Variants in TBCK observed in about 807,000 individuals in gnomAD.
TBCK encodes TBC1 domain containing kinase.
In TBCK, 99 loss-of-function variants were observed where a neutral mutation model predicts 113.4. That is an observed-to-expected ratio of 0.87 (90% CI 0.74 to 1.03). The LOEUF is 1.03. Among genes scored for constraint, TBCK ranks in the 50% least tolerant of loss-of-function variants. The pLI, the probability that TBCK is intolerant of heterozygous loss-of-function variation, is 0.00. For synonymous variants in TBCK, 369 were observed against 370.8 expected (o/e 1.00, Z 0.05); for missense variants, 1,045 against 1,061.3 (o/e 0.98, Z 0.21).
chr4:106,153,936 T>A (rs1748826156), intron 23 of TBCK, among the ~76,000 whole-genome samples: 1 of 152,102 alleles, frequency 6.6e-6, no homozygotes, highest in Admixed American at 6.6e-5. Context: ...TTATTTTTAG[T>A]CAACATGTGT....
At chr4:106,051,070 C>T (rs1734751868) in intron 25 of TBCK, among the ~76,000 whole-genome samples, 1 of 151,786 alleles carries the variant, frequency 6.6e-6, no homozygotes, top group Non-Finnish European at 1.5e-5. Context: ...TGTGCAGTAG[C>T]AGGAGAATAA....
At chr4:106,212,100 C>T (rs915847646) in intron 20 of TBCK, among the ~76,000 whole-genome samples, 1 of 152,016 alleles carries the variant, frequency 6.6e-6, no homozygotes, top group African/African-American at 2.4e-5. Context: ...CACTTGCATC[C>T]CCATCACCAA....
chr4:106,238,530 C>G (rs1759725725), intron 12 of TBCK: 2 of 152,146 alleles, frequency 1.3e-5, no homozygotes, highest in South Asian at 4.1e-4. Context: ...GGAGAAGACC[C>G]TTCTAAAGCC....
chr4:106,155,650 G>C (rs1222839351), intron 23 of TBCK, among the ~76,000 whole-genome samples: 1 of 151,860 alleles, frequency 6.6e-6, no homozygotes, highest in African/African-American at 2.4e-5. Flanking sequence ...CCTTCTGCTT[G>C]ATACATTCTA....
chr4:106,292,425 C>T (rs1005555646), intron 3 of TBCK, among the ~76,000 whole-genome samples: 1 of 151,872 alleles, frequency 6.6e-6, no homozygotes, highest in Non-Finnish European at 1.5e-5. Flanking sequence ...AAAAAATTAG[C>T]AAGGCATGGT....
At chr4:106,264,979 T>C (rs1428520570) in intron 3 of TBCK, among the ~76,000 whole-genome samples, 1 of 151,938 alleles carries the variant, frequency 6.6e-6, no homozygotes, top group African/African-American at 2.4e-5. Context: ...GTTGCAGACA[T>C]CCTGTCACTC....
intron 19 of TBCK, among the ~76,000 whole-genome samples, chr4:106,220,343 T>G (rs554146591): frequency 1.3e-5 from 2 of 152,344 alleles, no homozygotes; most frequent in East Asian, 3.9e-4. Context: ...GAAGTGCCTT[T>G]TGCCTCCTGC....
rs189289805 is a variant in TBCK, at chr4:106,070,802, T to C, written c.2572-24122A>G. ...CTTTTTTTGGTTGGTAGGCTATTAATTATTGCCTCAATTTCAGAGCCTGTT... is the reference window on the plus strand; with the variant it reads ...CTTTTTTTGGTTGGTAGGCTATTAACTATTGCCTCAATTTCAGAGCCTGTT... On this transcript the variant is annotated intron_variant, in intron 25 of 25. Coordinates refer to ENST00000394708, the MANE Select transcript of TBCK (RefSeq NM_001163435.3). Among the ~76,000 whole-genome samples, 231 of 152,352 alleles carry C rather than the reference T, an allele frequency of 1.5e-3. 4 individuals carry two copies. Among genetic ancestry groups the C allele is most frequent in the Admixed American group, 9.0e-3 (137 of 15,304 alleles).
intron 25 of TBCK, among the ~76,000 whole-genome samples, chr4:106,093,772 C>T (rs1207394119): frequency 1.3e-5 from 2 of 152,022 alleles, no homozygotes; most frequent in Non-Finnish European, 1.5e-5. Context: ...ACAACAAATG[C>T]CTATGACATG....
intron 23 of TBCK, among the ~76,000 whole-genome samples, chr4:106,140,233 T>C (rs1303849603): frequency 1.4e-5 from 2 of 141,058 alleles, no homozygotes; most frequent in African/African-American, 5.0e-5. Flanking sequence ...ATCTTTAAAA[T>C]ACTATAGTGT....
intron 15 of TBCK, among the ~76,000 whole-genome samples, 160 bp from the exon 16 acceptor site, chr4:106,233,810 CTG>C (rs1362684886): frequency 6.6e-6 from 1 of 152,064 alleles, no homozygotes; most frequent in Non-Finnish European, 1.5e-5. Context: ...GAGAAATTCT[CTG>C]TGTCTTTGAC....
Position 106,160,964 on chromosome 4 carries a change from A to G in TBCK, c.2235+10131T>C, listed in dbSNP as rs111554364. ...AGAAAAAAAAAATCTGACCAAAACT[A>G]TATGATTCCAACTCTATGAGGTACT... On this transcript the variant is annotated intron_variant, in intron 23 of 25. Transcript: ENST00000394708. Among the ~76,000 whole-genome samples, 1,121 of 152,178 alleles carry G rather than the reference A, an allele frequency of 7.4e-3. 10 individuals carry two copies. The highest frequency in any genetic ancestry group is 0.024 in the African/African-American group (996 of 41,552).
At chr4:106,243,567 A>G (rs544080277) in intron 11 of TBCK, among the ~76,000 whole-genome samples, 2 of 152,192 alleles carry the variant, frequency 1.3e-5, no homozygotes, top group South Asian at 2.1e-4. Flanking sequence ...TAAGAGAGAA[A>G]AAAATAGAAA....
chr4:106,308,663 T>C (rs1045315226), intron 2 of TBCK, 105 bp downstream of exon 2: 77 of 1,004,976 alleles, frequency 7.7e-5, no homozygotes, highest in Admixed American at 2.3e-4. Context: ...AGGACATGTG[T>C]GCACTGGTAC....
At chr4:106,132,912 A>C (rs1475509057) in intron 23 of TBCK, among the ~76,000 whole-genome samples, 1 of 152,208 alleles carries the variant, frequency 6.6e-6, no homozygotes, top group African/African-American at 2.4e-5. Flanking sequence ...GTATTTACCC[A>C]ATGCCTGTAC....
intron 5 of TBCK, among the ~76,000 whole-genome samples, chr4:106,259,442 T>A (rs192960811): frequency 4.3e-4 from 66 of 152,014 alleles, no homozygotes; most frequent in Admixed American, 1.5e-3. Flanking sequence ...ATGATTAATG[T>A]CTCTAGGTTA....
chr4:106,211,838 C>T (rs1311404429), intron 20 of TBCK, among the ~76,000 whole-genome samples: 1 of 151,946 alleles, frequency 6.6e-6, no homozygotes, highest in East Asian at 1.9e-4. Context: ...ACACTAAATT[C>T]TATTTTATGA....
chr4:106,160,945 A>C (rs1287947248), intron 23 of TBCK, among the ~76,000 whole-genome samples: 2 of 152,088 alleles, frequency 1.3e-5, no homozygotes, highest in African/African-American at 4.8e-5. Flanking sequence ...AAGAAGAAAA[A>C]AAAAATCTGA....
chr4:106,220,701 A>C (rs140872596), intron 19 of TBCK, among the ~76,000 whole-genome samples: 81 of 152,282 alleles, frequency 5.3e-4, no homozygotes, highest in African/African-American at 1.7e-3. Flanking sequence ...CCATTGTCTC[A>C]CCTTTTCCTC....
Sources: allele counts gnomAD v4.1 joint callset (sites outside exome capture counted in the v4.1 genomes callset), GRCh38; gene constraint gnomAD v4.1.1; transcripts MANE v1.5; gene names NCBI Gene and HGNC (gene_info 2026-07-23, HGNC 2026-07-21).